The following PRKDC variants were observed in gnomAD, a reference collection of about 807,000 sequenced individuals.
PRKDC encodes protein kinase, DNA-activated, catalytic subunit.
A neutral mutation model predicts 486.9 loss-of-function variants in PRKDC; 82 were observed. That is an observed-to-expected ratio of 0.17 (90% CI 0.14 to 0.20). The LOEUF (loss-of-function observed/expected upper bound fraction) is 0.20, where lower values mean the gene tolerates loss of function less well. Ranked by LOEUF, PRKDC falls within the 10% of genes least tolerant of loss-of-function variation. PRKDC has a pLI of 1.00. For missense variants in PRKDC, 4,504 were observed against 5,038.2 expected, an observed-to-expected ratio of 0.89 and a Z score of 3.21; for synonymous variants, 1,895 against 1,837.0, an observed-to-expected ratio of 1.03 and a Z score of -0.81.
chr8:47,936,631 T>C lies in PRKDC; in HGVS notation c.1114-114A>G, dbSNP rs951041077. ...ACACAAGTTTAACAAGGCTTCTTTTTTTTTTGAGACGAAGTTTCGCTCTTG... is the reference window on the plus strand; with the variant it reads ...ACACAAGTTTAACAAGGCTTCTTTTCTTTTTGAGACGAAGTTTCGCTCTTG... On this transcript the variant is annotated intron_variant, in intron 11 of 85. Transcript: ENST00000314191. 1.9e-5 allele frequency: 24 copies of C among 1,252,290 alleles called. No homozygotes were observed. The Middle Eastern group carries it at 8.5e-4, about 44-fold the overall frequency. The allele number at this position is 1,252,290 out of a possible 1,614,324, so 77.6% of individuals were successfully genotyped here. A position where few individuals can be genotyped will look rare whatever the true frequency, so the allele number is the denominator to read the frequency against.
In PRKDC at chr8:47,803,417, C is replaced by A; in HGVS notation, c.9811G>T (p.Asp3271Tyr). Reference sequence around the variant, plus strand: ...CTCTGCACCCAGCTCACCAGCCAATCGTCTCTGGTTTTTGACTCTTTATGC... The same window carrying A: ...CTCTGCACCCAGCTCACCAGCCAATAGTCTCTGGTTTTTGACTCTTTATGC... ...ELHKESKTRD[D>Y]WLVSWVQSYC... The change falls in exon 70 of 86, where the codon GAT becomes TAT. Residue 3271 changes from aspartate to tyrosine, a missense_variant. Asp to Tyr is a radical substitution (Grantham distance 160). Around this residue, in one of 6 missense-constraint regions of PRKDC, gnomAD observed 1,592 missense variants for 1,724.6 expected, o/e 0.92. Coordinates refer to ENST00000314191, the MANE Select transcript of PRKDC (RefSeq NM_006904.7). The A allele has an allele frequency of 6.2e-7, 1 of 1,613,986 alleles. No individual in the cohort carries two copies. The highest frequency in any genetic ancestry group is 1.3e-5 in the African/African-American group (1 of 75,048).
intron 30 of PRKDC, among the ~76,000 whole-genome samples, chr8:47,894,369 T>A (rs186986030): frequency 2.6e-5 from 4 of 152,044 alleles, no homozygotes; most frequent in Admixed American, 1.3e-4. Flanking sequence ...AAGAAATGTA[T>A]AATAATGAGC....
rs1248678957 is a variant in PRKDC at position 47,773,134 on chromosome 8, C to A, written c.*1039G>T. ...ACTTTTGGAAAAAAACTTTATTAAA[C>A]ACTCAAGAGTATACTTCTCAAAATC... On this transcript the variant is annotated 3_prime_UTR_variant, in exon 86 of 86. Coordinates refer to ENST00000314191, the MANE Select transcript of PRKDC (RefSeq NM_006904.7). 5.0e-6 allele frequency: 1 copy of A among 201,814 alleles called. No homozygotes were observed. Among genetic ancestry groups the A allele is most frequent in the Non-Finnish European group, 1.0e-5 (1 of 97,262 alleles). The allele number at this position is 201,814 out of a possible 1,614,324, so 12.5% of individuals were successfully genotyped here.
intron 69 of PRKDC, among the ~76,000 whole-genome samples, chr8:47,804,349 G>C (rs1169511821): frequency 6.7e-6 from 1 of 149,908 alleles, no homozygotes. Context: ...GCCCAGGCTG[G>C]AGTGCAATGG....
intron 74 of PRKDC, among the ~76,000 whole-genome samples, chr8:47,792,978 C>A (rs996261448): frequency 1.5e-4 from 23 of 152,196 alleles, no homozygotes; most frequent in African/African-American, 5.3e-4. Context: ...AATTCCTGTA[C>A]TCAAGCAATT....
chr8:47,784,897 A>T (rs2086765167), intron 77 of PRKDC, among the ~76,000 whole-genome samples: 1 of 152,232 alleles, frequency 6.6e-6, no homozygotes, highest in African/African-American at 2.4e-5. Flanking sequence ...CAGAATCAGA[A>T]ATATAAGAAC....
chr8:47,821,557 A>G, intron 65 of PRKDC, 47 bp downstream of exon 65: 2 of 1,519,250 alleles, frequency 1.3e-6, no homozygotes, highest in Non-Finnish European at 1.8e-6. Flanking sequence ...AGTAGAAAAC[A>G]CCTATCTAAA....
intron 20 of PRKDC, 53 bp from the exon 21 acceptor site, chr8:47,927,406 G>C: frequency 6.5e-7 from 1 of 1,541,094 alleles, no homozygotes. Flanking sequence ...ATAAGATTTA[G>C]AGGAAAAAAA....
intron 60 of PRKDC, among the ~76,000 whole-genome samples, chr8:47,831,191 C>A (rs1346954250): frequency 6.6e-6 from 1 of 152,144 alleles, no homozygotes; most frequent in East Asian, 1.9e-4. Flanking sequence ...AGGCCTCAGG[C>A]TCCACAAGCA....
rs1338899635 is a variant in PRKDC, at chr8:47,877,804, C to T, written c.5283G>A (p.Leu1761=). 7.5e-6 allele frequency: 12 copies of T among 1,596,320 alleles called. No individual in the cohort carries two copies. Among genetic ancestry groups the T allele is most frequent in the Non-Finnish European group, 1.0e-5 (12 of 1,170,374 alleles). ...ELSQSPMLLE[L]MTEVLCREQQ... is the part of the protein sequence containing the mutation. Reference sequence around the variant, plus strand: ...GTTCCCGACAAAGAACTTCTGTCATCAATTCCAACAACATAGGGCTTTGAG... The same window carrying T: ...GTTCCCGACAAAGAACTTCTGTCATTAATTCCAACAACATAGGGCTTTGAG... The change falls in exon 40 of 86, where the codon TTG becomes TTA. Residue 1761 remains leucine, a synonymous_variant. Transcript: ENST00000314191.
At chr8:47,816,296 C>G (rs923694692) in intron 68 of PRKDC, among the ~76,000 whole-genome samples, 1 of 152,128 alleles carries the variant, frequency 6.6e-6, no homozygotes, top group Non-Finnish European at 1.5e-5. Flanking sequence ...TGGCCAGAGA[C>G]AGATCACCTG....
intron 54 of PRKDC, among the ~76,000 whole-genome samples, chr8:47,848,575 C>A (rs568128166): frequency 1.3e-5 from 2 of 151,560 alleles, no homozygotes; most frequent in African/African-American, 4.8e-5. Flanking sequence ...GTACACCAAA[C>A]CTCAGCATTA....
chr8:47,939,685 C>T lies in PRKDC; in HGVS notation c.979G>A (p.Val327Met). ...ESFLKQVSNMVAKNAEMHKNK... is the reference protein window; with the variant it reads ...ESFLKQVSNMMAKNAEMHKNK... ...TTATGCATTTCTGCATTTTTCGCCA[C>T]CATATTAGAAACCTGCAAATACATA... The change falls in exon 11 of 86, where the codon GTG (valine) becomes ATG (methionine). Residue 327 changes from valine (V) to methionine (M), a missense_variant. By Grantham distance (21) the Val-to-Met change is conservative. Transcript: ENST00000314191. 6.3e-7 allele frequency: 1 copy of T among 1,599,780 alleles called. No individual in the cohort carries two copies.
intron 74 of PRKDC, among the ~76,000 whole-genome samples, chr8:47,791,135 C>G (rs942889439): frequency 2.6e-5 from 4 of 152,180 alleles, no homozygotes; most frequent in Non-Finnish European, 5.9e-5. Context: ...GGACAACCCA[C>G]AGAATGGGAG....
At chr8:47,774,525 A>AT (rs2086571590) in intron 85 of PRKDC, 148 bp from the exon 86 acceptor site, 3 of 773,666 alleles carry the variant, frequency 3.9e-6, no homozygotes, top group Non-Finnish European at 6.1e-6. Flanking sequence ...CAAAGACTGG[A>AT]TTTGTAGGAA....
chr8:47,871,162 T>C (rs1040994027), intron 40 of PRKDC, among the ~76,000 whole-genome samples: 1 of 152,006 alleles, frequency 6.6e-6, no homozygotes, highest in Admixed American at 6.5e-5. Context: ...GGGTAGAAAG[T>C]TTTTTCAAAG....
chr8:47,893,073 C>T, intron 31 of PRKDC, 66 bp downstream of exon 31: 1 of 1,464,680 alleles, frequency 6.8e-7, no homozygotes, highest in Admixed American at 2.2e-5. Context: ...TCTGACCTGG[C>T]AGAGCCACTG....
At chr8:47,938,235 T>C (rs9298499) in intron 11 of PRKDC, among the ~76,000 whole-genome samples, 146,344 of 151,568 alleles carry the variant, frequency 0.97, 70,666 homozygotes, top group East Asian at 1. Flanking sequence ...GGAGAAACCC[T>C]GTCTCTACTA....
intron 22 of PRKDC, among the ~76,000 whole-genome samples, chr8:47,916,135 A>C (rs899722743): frequency 6.6e-6 from 1 of 152,182 alleles, no homozygotes; most frequent in Non-Finnish European, 1.5e-5. Context: ...ATAAGCAAAT[A>C]TCACCACCAA....
Sources: gnomAD v4.1 joint callset for allele counts (sites outside exome capture counted in the v4.1 genomes callset) on GRCh38, gnomAD v4.1.1 for gene constraint, gnomAD v4.1.1 regional missense constraint, MANE v1.5 for transcripts, NCBI Gene and HGNC (gene_info 2026-07-23, HGNC 2026-07-21) for gene names.